Variants in DOCK5 observed in about 807,000 individuals in gnomAD.
The protein encoded by DOCK5 is dedicator of cytokinesis 5.
DOCK5 carries 142 observed loss-of-function variants against 251.8 expected under a neutral mutation model. The ratio of observed to expected loss-of-function variants is 0.56; its 90% CI spans 0.49 to 0.65. The LOEUF is 0.65. Among genes scored for constraint, DOCK5 ranks in the 30% least tolerant of loss-of-function variants. DOCK5 has a pLI of 0.00. For missense variants in DOCK5, 2,111 were observed against 2,312.3 expected (o/e 0.91, Z 1.79); for synonymous variants, 842 against 835.5 (o/e 1.01, Z -0.13).
intron 21 of DOCK5, among the ~76,000 whole-genome samples, chr8:25,334,880 A>G (rs1452029203): frequency 6.6e-6 from 1 of 152,200 alleles, no homozygotes; most frequent in East Asian, 1.9e-4. Flanking sequence ...CTGTACCACA[A>G]ATGCTTTGTA....
At chr8:25,312,023 T>C (rs1480823350) in intron 13 of DOCK5, among the ~76,000 whole-genome samples, 1 of 152,192 alleles carries the variant, frequency 6.6e-6, no homozygotes, top group Non-Finnish European at 1.5e-5. Context: ...CCACATTGTC[T>C]ACATGTAGTG....
chr8:25,245,752 C>G (rs993570417), intron 2 of DOCK5, among the ~76,000 whole-genome samples: 6 of 152,090 alleles, frequency 3.9e-5, no homozygotes, highest in Non-Finnish European at 1.5e-5. Context: ...GTTGGCCAGC[C>G]TGGTCTTGAA....
chr8:25,218,710 G>A (rs778539294), intron 1 of DOCK5, among the ~76,000 whole-genome samples: 17 of 152,180 alleles, frequency 1.1e-4, no homozygotes, highest in African/African-American at 1.4e-4. Flanking sequence ...AACACTAACC[G>A]ATTTGTCACA....
intron 1 of DOCK5, among the ~76,000 whole-genome samples, chr8:25,196,362 CAA>C (rs1435020240): frequency 3.3e-5 from 5 of 152,160 alleles, no homozygotes; most frequent in Non-Finnish European, 5.9e-5. Flanking sequence ...ATGGAAGAAA[CAA>C]GACATTTAGA....
chr8:25,314,725 C>T (rs1805195925), intron 13 of DOCK5, among the ~76,000 whole-genome samples: 2 of 150,224 alleles, frequency 1.3e-5, no homozygotes, highest in Non-Finnish European at 3.0e-5. Flanking sequence ...CAACCTCTAT[C>T]CACCCATCCA....
intron 22 of DOCK5, among the ~76,000 whole-genome samples, chr8:25,339,166 C>T (rs751409827): frequency 3.3e-5 from 5 of 152,148 alleles, no homozygotes; most frequent in Non-Finnish European, 7.4e-5. Flanking sequence ...GGAATGTCAC[C>T]TGGTCCCTGG....
intron 1 of DOCK5, among the ~76,000 whole-genome samples, chr8:25,199,518 G>A (rs1433558342): frequency 6.6e-6 from 1 of 151,778 alleles, no homozygotes; most frequent in Non-Finnish European, 1.5e-5. Flanking sequence ...CTAGTAGCTG[G>A]GATTATAAGC....
At chr8:25,345,394 C>G (rs778556019) in intron 25 of DOCK5, 81 bp from the exon 26 acceptor site, 3 of 1,568,422 alleles carry the variant, frequency 1.9e-6, no homozygotes, top group African/African-American at 2.7e-5. Flanking sequence ...TGGTACTGGT[C>G]GAGGAAGAGT....
chr8:25,283,565 A>G (rs1466954106), intron 5 of DOCK5, among the ~76,000 whole-genome samples: 1 of 152,066 alleles, frequency 6.6e-6, no homozygotes, highest in Non-Finnish European at 1.5e-5. Flanking sequence ...TTTTGATGTT[A>G]TCTTAGCTGG....
At chr8:25,310,349 C>A in intron 12 of DOCK5, 58 bp from the exon 13 acceptor site, 2 of 1,512,652 alleles carry the variant, frequency 1.3e-6, no homozygotes, top group Non-Finnish European at 1.8e-6. Context: ...TCACCAGTTA[C>A]GCATGTGTTT....
rs1478654145 is a variant in DOCK5, at chr8:25,400,989, C to G, written c.4849C>G (p.Pro1617Ala). ...HGEKLTEQLK[P>A]LHERLSSCFR... ...GGAGAAACTCACAGAGCAGCTGAAG[C>G]CGCTGCATGAGCGGTTGTCTTCTTG... The change falls in exon 47 of 52, where the codon CCG becomes GCG. Residue 1617 changes from proline (P) to alanine (A), a missense_variant. By Grantham distance (27) the Pro-to-Ala change is conservative. Transcript: ENST00000276440. The G allele has an allele frequency of 6.2e-7, 1 of 1,613,914 alleles. No homozygotes were observed. The highest frequency in any genetic ancestry group is 1.3e-5 in the African/African-American group (1 of 74,940).
Position 25,235,123 on chromosome 8 carries a change from A to G in DOCK5, c.44-8551A>G, listed in dbSNP as rs140332847. Among the ~76,000 whole-genome samples, 4 of 152,300 alleles carry G rather than the reference A, an allele frequency of 2.6e-5. No individual in the cohort carries two copies. The East Asian group carries it at 7.7e-4, about 29-fold the overall frequency. On this transcript the variant is annotated intron_variant, in intron 1 of 51. Transcript: ENST00000276440. ...GCACAAATTCTCCTTTTTGGGCCTC[A>G]CAAAACCATAGGAAGAATGTACTGT...
intron 26 of DOCK5, among the ~76,000 whole-genome samples, chr8:25,348,999 G>A (rs1800420815): frequency 6.6e-6 from 1 of 152,164 alleles, no homozygotes; most frequent in African/African-American, 2.4e-5. Flanking sequence ...TATGTAAATG[G>A]AAGTGAAAGC....
intron 20 of DOCK5, 145 bp downstream of exon 20, chr8:25,332,837 A>G (rs1805713802): frequency 3.2e-6 from 2 of 629,130 alleles, no homozygotes; most frequent in African/African-American, 1.9e-5. Flanking sequence ...CTGAATTCCT[A>G]GAAGTACTAT....
At chr8:25,275,846 A>T (rs536103269) in intron 4 of DOCK5, among the ~76,000 whole-genome samples, 14 of 152,186 alleles carry the variant, frequency 9.2e-5, no homozygotes, top group African/African-American at 9.6e-5. Flanking sequence ...AAAAAAAAAT[A>T]AAATTAAAAA....
chr8:25,319,244 G>C (rs552003881), intron 14 of DOCK5, among the ~76,000 whole-genome samples: 2 of 152,122 alleles, frequency 1.3e-5, no homozygotes, highest in Non-Finnish European at 2.9e-5. Flanking sequence ...CTAACTTCTC[G>C]TCATCGTCAT....
chr8:25,284,297 G>A (rs369201289), intron 5 of DOCK5, among the ~76,000 whole-genome samples: 1 of 152,198 alleles, frequency 6.6e-6, no homozygotes, highest in Non-Finnish European at 1.5e-5. Flanking sequence ...GTCAATACAT[G>A]ACAGCCCCTG....
At chr8:25,306,693 GA>G (rs879845090) in intron 11 of DOCK5, among the ~76,000 whole-genome samples, 6 of 145,762 alleles carry the variant, frequency 4.1e-5, no homozygotes, top group East Asian at 3.9e-4. Flanking sequence ...GACTCCGTCT[GA>G]AAAAAAAATA....
chr8:25,335,506 A>G (rs1308783106), intron 21 of DOCK5, among the ~76,000 whole-genome samples: 2 of 151,124 alleles, frequency 1.3e-5, no homozygotes, highest in Non-Finnish European at 2.9e-5. Flanking sequence ...AATAATAATA[A>G]TAATTATAAG....
Sources: gnomAD v4.1 joint callset for allele counts (sites outside exome capture counted in the v4.1 genomes callset) on GRCh38, gnomAD v4.1.1 for gene constraint, MANE v1.5 for transcripts, NCBI Gene and HGNC (gene_info 2026-07-23, HGNC 2026-07-21) for gene names.